Variants in NTAN1 observed in about 807,000 individuals in gnomAD.
The protein encoded by NTAN1 is N-terminal asparagine amidase, also known as protein N-terminal asparagine amidohydrolase.
Under a neutral mutation model 41.9 loss-of-function variants are expected in NTAN1, and 32 were observed. That is an observed-to-expected ratio of 0.76 (90% confidence interval 0.58 to 1.03). The LOEUF is 1.03. Among genes scored for constraint, NTAN1 ranks in the 50% least tolerant of loss-of-function variants. The pLI is 0.00. For missense variants in NTAN1, 377 were observed against 377.5 expected (o/e 1.00, Z 0.01); for synonymous variants, 140 against 139.5 (o/e 1.00, Z -0.03).
intron 4 of NTAN1, chr16:15,044,635 T>C: frequency 3.5e-6 from 2 of 575,388 alleles, no homozygotes; most frequent in Admixed American, 3.1e-5. Context: ...GATCCGTATC[T>C]GAACACAAAT....
At chr16:15,042,790 T>C (rs974127816) in intron 5 of NTAN1, among the ~76,000 whole-genome samples, 2 of 151,960 alleles carry the variant, frequency 1.3e-5, no homozygotes, top group Admixed American at 1.3e-4. Context: ...TGGAGTGCAG[T>C]GGTGTGATCT....
At chr16:15,045,279 T>C (rs2044007745) in intron 4 of NTAN1, 1 of 150,644 alleles carries the variant, frequency 6.6e-6, no homozygotes, top group Non-Finnish European at 1.5e-5. Context: ...CTCTGGGCAA[T>C]CGAGCAAGAC....
chr16:15,039,111 C>T (rs2043687801), intron 8 of NTAN1, among the ~76,000 whole-genome samples: 1 of 152,208 alleles, frequency 6.6e-6, no homozygotes, highest in Non-Finnish European at 1.5e-5. Context: ...CATACAGTGC[C>T]TGCTGCCCCA....
Position 15,051,994 on chromosome 16 carries a change from A to G in NTAN1, c.82-3895T>C, listed in dbSNP as rs556931360. 5.0e-4 allele frequency among the ~76,000 whole-genome samples: 76 copies of G among 151,950 alleles called. 2 individuals are homozygous for G. The South Asian group carries it at 0.015, about 31-fold the overall frequency. ...GTTTTCTTAACCTCTAATATGCTCT[A>G]GACACTAATATTTGCTTAAAAAAAA... On this transcript the variant is annotated intron_variant, in intron 1 of 9. Transcript: ENST00000287706.
intron 1 of NTAN1, 198 bp downstream of exon 1, chr16:15,055,693 C>T: frequency 2.7e-6 from 1 of 372,070 alleles, no homozygotes; most frequent in Non-Finnish European, 4.8e-6. Context: ...CAGAGAGTGG[C>T]CTCCGGGGCA....
At chr16:15,055,711 G>T (rs2044482760) in intron 1 of NTAN1, 180 bp downstream of exon 1, 2 of 378,096 alleles carry the variant, frequency 5.3e-6, no homozygotes, top group East Asian at 3.8e-5. Context: ...GCAGCCCGCT[G>T]AAGTCTAAAG....
At chr16:15,045,082 C>T (rs535169500) in intron 4 of NTAN1, 2 of 150,680 alleles carry the variant, frequency 1.3e-5, no homozygotes, top group Admixed American at 1.3e-4. Flanking sequence ...CAAGATCGTG[C>T]CACTGCACTC....
At chr16:15,045,360 G>C (rs527953807) in intron 4 of NTAN1, 1 of 152,116 alleles carries the variant, frequency 6.6e-6, no homozygotes, top group Non-Finnish European at 1.5e-5. Context: ...CCGGCTACTC[G>C]GGAGGCTGAG....
intron 1 of NTAN1, among the ~76,000 whole-genome samples, chr16:15,049,670 C>T (rs2044220436): frequency 6.6e-6 from 1 of 152,114 alleles, no homozygotes. Context: ...AAGTGATCCA[C>T]CTGCCTTGGC....
At chr16:15,047,392 G>T in intron 4 of NTAN1, 50 bp downstream of exon 4, 1 of 1,203,882 alleles carries the variant, frequency 8.3e-7, no homozygotes, top group Non-Finnish European at 1.2e-6. Flanking sequence ...CGTCCTGTAT[G>T]CGACGGTTCC....
chr16:15,040,118 G>T, intron 7 of NTAN1, 52 bp from the exon 8 acceptor site: 1 of 966,568 alleles, frequency 1.0e-6, no homozygotes, highest in Middle Eastern at 2.1e-4. Flanking sequence ...AAAGCGGAAA[G>T]TCTGCACAGT....
intron 1 of NTAN1, among the ~76,000 whole-genome samples, chr16:15,053,788 G>A (rs1166880888): frequency 6.6e-6 from 1 of 152,148 alleles, no homozygotes; most frequent in Non-Finnish European, 1.5e-5. Context: ...GCATGCACCT[G>A]TAATCCCAGC....
chr16:15,038,342 A>ATTT (rs1452299525), intron 9 of NTAN1, 132 bp from the exon 10 acceptor site: 8 of 692,632 alleles, frequency 1.2e-5, no homozygotes, highest in Non-Finnish European at 1.9e-5. Context: ...AGGTGGCCTG[A>ATTT]ATTAGTAAGA....
intron 3 of NTAN1, 124 bp from the exon 4 acceptor site, chr16:15,047,674 G>C: frequency 3.3e-6 from 3 of 920,096 alleles, no homozygotes; most frequent in South Asian, 1.4e-5. Flanking sequence ...AAAACGGACA[G>C]GTCTGTGCTC....
At chr16:15,050,920 T>G (rs1416335799) in intron 1 of NTAN1, among the ~76,000 whole-genome samples, 1 of 152,190 alleles carries the variant, frequency 6.6e-6, no homozygotes, top group Non-Finnish European at 1.5e-5. Flanking sequence ...CAGTGTAAAA[T>G]TAGATGGGCA....
chr16:15,038,781 C>T (rs2043668940), intron 8 of NTAN1, 94 bp from the exon 9 acceptor site: 9 of 672,036 alleles, frequency 1.3e-5, no homozygotes, highest in Non-Finnish European at 1.8e-5. Flanking sequence ...TCCTTTCATG[C>T]ATTTATCTGC....
At chr16:15,052,660 C>T (rs1159367557) in intron 1 of NTAN1, among the ~76,000 whole-genome samples, 2 of 152,068 alleles carry the variant, frequency 1.3e-5, no homozygotes, top group African/African-American at 4.8e-5. Flanking sequence ...ATGTTGAAGC[C>T]CCATCTCTAC....
rs1231707351 is a variant in NTAN1 at position 15,041,063 on chromosome 16, C to CT, written c.541+4dup. ...TCCAACCCACAAAAGATGCACACTA[C>CT]TTACCAATGCCATATATTACTGGAA... On this transcript the variant is annotated splice_donor_region_variant and intron_variant, in intron 7 of 9. Coordinates refer to ENST00000287706, the MANE Select transcript of NTAN1 (RefSeq NM_173474.4). 3.1e-6 allele frequency: 5 copies of CT among 1,592,192 alleles called. No homozygotes were observed. The highest frequency in any genetic ancestry group is 4.3e-6 in the Non-Finnish European group (5 of 1,159,886).
chr16:15,049,773 GT>G (rs2044225951), intron 1 of NTAN1, among the ~76,000 whole-genome samples: 1 of 152,186 alleles, frequency 6.6e-6, no homozygotes, highest in African/African-American at 2.4e-5. Context: ...AATGGAAAAG[GT>G]AAGTAAATTG....
Sources: gnomAD v4.1 joint callset for allele counts (sites outside exome capture counted in the v4.1 genomes callset) on GRCh38, gnomAD v4.1.1 for gene constraint, MANE v1.5 for transcripts, NCBI Gene and HGNC (gene_info 2026-07-23, HGNC 2026-07-21) for gene names.